PPT1: variants seen among roughly 807,000 people sequenced by gnomAD.
The protein encoded by PPT1 is palmitoyl-protein thioesterase 1, also known as ceroid-palmitoyl-palmitoyl-protein thioesterase 1.
PPT1 carries 24 observed loss-of-function variants against 44.0 expected under a neutral mutation model. That is an observed-to-expected ratio of 0.54 (90% CI 0.39 to 0.77). The LOEUF (loss-of-function observed/expected upper bound fraction) is 0.77. Among genes scored for constraint, PPT1 ranks in the 30% least tolerant of loss-of-function variants. PPT1 has a pLI of 0.00. For synonymous variants in PPT1, 148 were observed against 140.2 expected (o/e 1.06, Z -0.39); for missense variants, 341 against 378.8 (o/e 0.90, Z 0.83).
At chr1:40,075,353 C>G (rs1648559950) in intron 8 of PPT1, 1 of 152,180 alleles carries the variant, frequency 6.6e-6, no homozygotes, top group Non-Finnish European at 1.5e-5. Context: ...AGCCTAGATG[C>G]TGGAGAACAA....
chr1:40,079,910 C>G (rs936204654), intron 6 of PPT1, among the ~76,000 whole-genome samples: 1 of 152,118 alleles, frequency 6.6e-6, no homozygotes, highest in Non-Finnish European at 1.5e-5. Context: ...TTGTTTTTCC[C>G]TTCAAACTGT....
chr1:40,089,807 A>G (rs1649457614), intron 4 of PPT1, among the ~76,000 whole-genome samples: 1 of 152,030 alleles, frequency 6.6e-6, no homozygotes. Context: ...GTCACATCTG[A>G]CCACCTTATC....
chr1:40,092,192 G>C lies in PPT1; in HGVS notation c.235-20C>G. 6.2e-7 allele frequency: 1 copy of C among 1,614,072 alleles called. No individual in the cohort carries two copies. Among genetic ancestry groups the C allele is most frequent in the Non-Finnish European group, 8.5e-7 (1 of 1,179,922 alleles). ...CACGTCCTAAAAAAGAAGCCAGAGA[G>C]AAGTGAGAGGATGGGACTGAAAACA... On this transcript the variant is annotated intron_variant, in intron 2 of 8. Transcript: ENST00000642050.
chr1:40,074,883 A>G (rs1648533236), intron 8 of PPT1, among the ~76,000 whole-genome samples: 1 of 152,238 alleles, frequency 6.6e-6, no homozygotes, highest in Non-Finnish European at 1.5e-5. Context: ...TGGGCAAGCC[A>G]TAGACGACAC....
Position 40,078,658 on chromosome 1 carries a change from C to T in PPT1, c.628G>A (p.Gly210Ser), listed in dbSNP as rs200434104. 13 of 1,612,572 alleles carry T rather than the reference C, an allele frequency of 8.1e-6. No homozygotes were observed. Among genetic ancestry groups the T allele is most frequent in the Non-Finnish European group, 1.1e-5 (13 of 1,178,882 alleles). ...TTTTTCTTGTAGGACTCATTGATAC[C>T]CTGAAAGAAAGGCCAGCAACACCTA... ...IFLADINQER[G>S]INESYKKNLM... is the part of the protein sequence containing the mutation. The change falls in exon 7 of 9, where the codon GGT becomes AGT. Residue 210 changes from glycine (G) to serine (S), a missense_variant and splice_region_variant. Coordinates refer to ENST00000642050, the MANE Select transcript of PPT1 (RefSeq NM_000310.4).
At chr1:40,095,374 C>G (rs1378830823) in intron 1 of PPT1, among the ~76,000 whole-genome samples, 1 of 152,158 alleles carries the variant, frequency 6.6e-6, no homozygotes, top group Non-Finnish European at 1.5e-5. Context: ...TCTCACCTAG[C>G]CTTTAACTAC....
chr1:40,072,033 T>G (rs1648135327), downstream of PPT1: 2 of 403,862 alleles, frequency 5.0e-6, no homozygotes, highest in Admixed American at 4.2e-5. Flanking sequence ...GACCAAAGGC[T>G]GAGGCTTGGC....
chr1:40,072,936 T>C lies in PPT1; in HGVS notation c.*1125A>G, dbSNP rs1369414070. ...TACAGAAATGTCTTCCAAAAAGCGT[T>C]AAGTTTTCACAGAGTGGGGACTATG... On this transcript the variant is annotated 3_prime_UTR_variant, in exon 9 of 9. Transcript: ENST00000642050. The C allele has an allele frequency of 1.3e-5, 2 of 152,218 alleles. No homozygotes were observed. The highest frequency in any genetic ancestry group is 2.1e-4 in the South Asian group (1 of 4,834). 9.4% of individuals were successfully genotyped at this position (152,218 alleles called of 1,614,324 possible).
Position 40,091,302 on chromosome 1 carries a change from A to G in PPT1, c.433+27T>C, listed in dbSNP as rs766149540. 4 of 1,603,134 alleles carry G rather than the reference A, an allele frequency of 2.5e-6. No individual in the cohort carries two copies. In the East Asian group the frequency reaches 8.9e-5, roughly 36 times the overall value. On this transcript the variant is annotated intron_variant, in intron 4 of 8. Transcript: ENST00000642050. ...GTGGTCATGTGGGTTAGAATACAGA[A>G]AAAAGAAAGCAAAGAGGCAAAGTTA... is the stretch of plus-strand genomic sequence containing the variant.
At chr1:40,072,508 CACTT>C (rs557225660), downstream of PPT1, 1,118 of 158,910 alleles carry the variant, frequency 7.0e-3, 12 homozygotes, top group Non-Finnish European at 0.01. Context: ...CTAGGACAAA[CACTT>C]ACCAAAATAT....
Position 40,088,573 on chromosome 1 carries a change from T to A in PPT1, c.536+837A>T, listed in dbSNP as rs557900967. On this transcript the variant is annotated intron_variant, in intron 5 of 8. Coordinates refer to ENST00000642050, the MANE Select transcript of PPT1 (RefSeq NM_000310.4). The stretch of plus-strand genomic sequence containing the variant: ...AAAGTAATTCTGCATCTTTTTTTTT[T>A]TAAAAATAGATTTTAACAGAGACAG... 3.9e-3 allele frequency among the ~76,000 whole-genome samples: 588 copies of A among 152,238 alleles called. 2 individuals carry two copies. The highest frequency in any genetic ancestry group is 0.01 in the African/African-American group (436 of 41,554).
chr1:40,085,940 G>T (rs565384435), intron 5 of PPT1, among the ~76,000 whole-genome samples: 1 of 152,254 alleles, frequency 6.6e-6, no homozygotes, highest in East Asian at 1.9e-4. Context: ...CTCTGAGAGA[G>T]CCTGAGTAGA....
intron 6 of PPT1, among the ~76,000 whole-genome samples, chr1:40,079,267 C>T (rs896068307): frequency 2.0e-4 from 30 of 152,010 alleles, no homozygotes; most frequent in East Asian, 7.7e-4. Flanking sequence ...AGGTTGATTT[C>T]ATGTCTTTGC....
chr1:40,092,082 A>C lies in PPT1; in HGVS notation c.325T>G (p.Tyr109Asp), dbSNP rs386833642. Residue 109 changes from tyrosine to aspartate, a missense_variant, in exon 3 of 9, where the codon TAC (tyrosine) becomes GAC (aspartate). Transcript: ENST00000642050. ...LAKDPKLQQG[Y>D]NAMGFSQGGQ... The stretch of plus-strand genomic sequence containing the variant: ...CCCTGGGAGAATCCCATAGCATTGT[A>C]GCCTTGCTGCAATTTAGGATCCTTA... 5.8e-5 allele frequency: 93 copies of C among 1,614,014 alleles called. No individual in the cohort carries two copies. The highest frequency in any genetic ancestry group is 7.8e-5 in the Non-Finnish European group (92 of 1,180,016).
intron 4 of PPT1, among the ~76,000 whole-genome samples, chr1:40,090,112 A>G (rs1232961631): frequency 6.6e-6 from 1 of 152,132 alleles, no homozygotes; most frequent in African/African-American, 2.4e-5. Context: ...AAGCACTACA[A>G]CCACTAGTGT....
In PPT1 at chr1:40,091,343, C is replaced by A. The variant is rs1343701743; in HGVS notation, c.419G>T (p.Gly140Val). 6.2e-7 allele frequency: 1 copy of A among 1,613,752 alleles called. No homozygotes were observed. The highest frequency in any genetic ancestry group is 1.3e-5 in the African/African-American group (1 of 74,828). ...SPPMINLISV[G>V]GQHQGVFGLP... ...GGCAAAGTTACCTTGATGTTGTCCC[C>A]CAACCGAGATCAGATTGATCATGGG... Residue 140 changes from glycine (G) to valine (V), a missense_variant, in exon 4 of 9, where the codon GGG becomes GTG. Physicochemically the swap from Gly to Val is moderately radical, Grantham distance 109 (BLOSUM62 -3). Transcript: ENST00000642050.
intron 1 of PPT1, among the ~76,000 whole-genome samples, chr1:40,093,644 T>A (rs548479358): frequency 6.8e-4 from 103 of 152,194 alleles, no homozygotes; most frequent in African/African-American, 2.4e-3. Flanking sequence ...CCCAGCAGTT[T>A]GGGAGGCCGA....
intron 3 of PPT1, among the ~76,000 whole-genome samples, 180 bp downstream of exon 3, chr1:40,091,865 C>CAAA (rs11308805): frequency 1.0e-5 from 1 of 96,930 alleles, no homozygotes; most frequent in Non-Finnish European, 2.2e-5. Flanking sequence ...AATTCTGTCT[C>CAAA]AAAAAAAAAA....
chr1:40,077,065 A>T, intron 7 of PPT1, 152 bp from the exon 8 acceptor site: 1 of 940,988 alleles, frequency 1.1e-6, no homozygotes, highest in Non-Finnish European at 1.6e-6. Flanking sequence ...CGTCTGAGTC[A>T]TCTCTTCTTA....
Sources: allele counts gnomAD v4.1 joint callset (sites outside exome capture counted in the v4.1 genomes callset), GRCh38; gene constraint gnomAD v4.1.1; transcripts MANE v1.5; gene names NCBI Gene and HGNC (gene_info 2026-07-23, HGNC 2026-07-21).